KCNH1: variants seen among roughly 807,000 people sequenced by gnomAD.
KCNH1 encodes potassium voltage-gated channel subfamily H member 1, also known as voltage-gated delayed rectifier potassium channel KCNH1.
Under a neutral mutation model 69.2 loss-of-function variants are expected in KCNH1, and 27 were observed. The ratio of observed to expected loss-of-function variants is 0.39; its 90% CI spans 0.29 to 0.54. The LOEUF (loss-of-function observed/expected upper bound fraction) is 0.54, where lower values mean the gene tolerates loss of function less well. Ranked by LOEUF, KCNH1 falls within the 20% of genes least tolerant of loss-of-function variation. The pLI, the probability that KCNH1 is intolerant of heterozygous loss-of-function variation, is 0.68. For synonymous variants in KCNH1, 456 were observed against 487.7 expected (o/e 0.93, Z 0.86); for missense variants, 798 against 1,261.6 (o/e 0.63, Z 5.57).
chr1:210,861,579 T>G, intron 7 of KCNH1: 1 of 772,188 alleles, frequency 1.3e-6, no homozygotes, highest in East Asian at 2.4e-5. Context: ...ACCCATTCTG[T>G]CAGGTTCTGT....
In KCNH1 at chr1:211,096,047, C is replaced by CTTTATTTA. The variant is rs536254644; in HGVS notation, c.311-5365_311-5358dup. Among the ~76,000 whole-genome samples, 376 of 125,140 alleles carry CTTTATTTA rather than the reference C, an allele frequency of 3.0e-3. 1 individual carries two copies. Among genetic ancestry groups the CTTTATTTA allele is most frequent in the African/African-American group, 8.7e-3 (338 of 38,942 alleles). 82.1% of individuals were successfully genotyped at this position (125,140 alleles called of 152,430 possible). ...GAGACATAGGTGTTTAAAAGTATCACTTTATTTATTTATTTATTTATTTAT... is the reference window on the plus strand; with the variant it reads ...GAGACATAGGTGTTTAAAAGTATCACTTTATTTATTTATTTATTTATTTATTTATTTAT... On this transcript the variant is annotated intron_variant, in intron 3 of 10. Transcript: ENST00000271751.
intron 6 of KCNH1, among the ~76,000 whole-genome samples, chr1:210,976,054 C>G (rs542620531): frequency 1.3e-5 from 2 of 152,166 alleles, no homozygotes; most frequent in African/African-American, 4.8e-5. Flanking sequence ...CAATGAGATA[C>G]CATCTCACAC....
At chr1:210,838,404 T>C (rs936044472) in intron 7 of KCNH1, among the ~76,000 whole-genome samples, 1 of 152,050 alleles carries the variant, frequency 6.6e-6, no homozygotes, top group Non-Finnish European at 1.5e-5. Context: ...TTACGCCTTA[T>C]ATAAAAATCA....
At chr1:210,986,586 T>C (rs1688840218) in intron 6 of KCNH1, among the ~76,000 whole-genome samples, 1 of 152,340 alleles carries the variant, frequency 6.6e-6, no homozygotes, top group African/African-American at 2.4e-5. Context: ...GAAAATTCTT[T>C]TCTTTAAGAA....
chr1:210,859,953 T>C, intron 7 of KCNH1: 1 of 1,581,986 alleles, frequency 6.3e-7, no homozygotes, highest in Non-Finnish European at 8.7e-7. Context: ...AGTTCAAAGT[T>C]CACTTGTCTT....
chr1:211,039,637 T>C (rs1212319005), intron 5 of KCNH1, among the ~76,000 whole-genome samples: 1 of 152,200 alleles, frequency 6.6e-6, no homozygotes, highest in African/African-American at 2.4e-5. Flanking sequence ...ATGTGAGACC[T>C]GGAATCAAAG....
chr1:210,872,174 A>G (rs1215323678), intron 7 of KCNH1, among the ~76,000 whole-genome samples: 1 of 150,954 alleles, frequency 6.6e-6, no homozygotes, highest in Non-Finnish European at 1.5e-5. Context: ...AAAAAGATCA[A>G]GCAAGATAAT....
chr1:210,777,744 T>C lies in KCNH1; in HGVS notation c.1916-2200A>G, dbSNP rs766646631. Among the ~76,000 whole-genome samples the C allele has an allele frequency of 3.3e-5, 5 of 152,296 alleles. No individual in the cohort carries two copies. In the East Asian group the frequency reaches 5.8e-4, roughly 18 times the overall value. Reference sequence around the variant, plus strand: ...ATATCCTTCCTCCAGCACATTATGGTAGGTAGTTAAAAAATAGGCCCCATC... The same window carrying C: ...ATATCCTTCCTCCAGCACATTATGGCAGGTAGTTAAAAAATAGGCCCCATC... On this transcript the variant is annotated intron_variant, in intron 9 of 10. Transcript: ENST00000271751.
At chr1:210,994,469 T>C (rs1688988811) in intron 6 of KCNH1, among the ~76,000 whole-genome samples, 4 of 152,094 alleles carry the variant, frequency 2.6e-5, no homozygotes, top group Admixed American at 2.0e-4. Context: ...ATTGTAGGAA[T>C]GCAAAAAAGA....
At chr1:211,096,584 CA>C (rs768276693) in intron 3 of KCNH1, among the ~76,000 whole-genome samples, 4 of 152,200 alleles carry the variant, frequency 2.6e-5, no homozygotes, top group Non-Finnish European at 5.9e-5. Flanking sequence ...TAACCCTCAA[CA>C]TAATTAAAAT....
chr1:210,733,206 G>C (rs1297061093), intron 10 of KCNH1, among the ~76,000 whole-genome samples: 5 of 152,012 alleles, frequency 3.3e-5, no homozygotes. Context: ...TTCTCAGAAA[G>C]CTGTGCATGT....
chr1:210,765,229 G>T (rs1174600078), intron 10 of KCNH1, among the ~76,000 whole-genome samples: 1 of 151,852 alleles, frequency 6.6e-6, no homozygotes, highest in African/African-American at 2.4e-5. Context: ...GTACAGAAGG[G>T]TCCAAAACTG....
chr1:210,890,054 A>T lies in KCNH1; in HGVS notation c.1462+29586T>A, dbSNP rs529268722. 3.3e-5 allele frequency among the ~76,000 whole-genome samples: 5 copies of T among 152,340 alleles called. No homozygotes were observed. In the South Asian group the frequency reaches 1.0e-3, roughly 32 times the overall value. ...ATTAGAAAAAACTACTTTAAATTTC[A>T]TATGGAATGAAAAAAGAGCCCATAT... On this transcript the variant is annotated intron_variant, in intron 7 of 10. Transcript: ENST00000271751.
chr1:211,059,635 C>T lies in KCNH1; in HGVS notation c.558+23145G>A, dbSNP rs941176550. Among the ~76,000 whole-genome samples the T allele has an allele frequency of 9.2e-5, 14 of 151,858 alleles. No homozygotes were observed. In the East Asian group the frequency reaches 1.8e-3, roughly 19 times the overall value. On this transcript the variant is annotated intron_variant, in intron 5 of 10. Transcript: ENST00000271751. ...GTGGGCACCTGTAGTCCCAGCTACTCGGGAGGCTGAGGCAGGAGAATGGCG... is the reference window on the plus strand; with the variant it reads ...GTGGGCACCTGTAGTCCCAGCTACTTGGGAGGCTGAGGCAGGAGAATGGCG...
At chr1:210,739,125 G>A (rs1934628) in intron 10 of KCNH1, among the ~76,000 whole-genome samples, 127,869 of 152,210 alleles carry the variant, frequency 0.84, 53,762 homozygotes, top group East Asian at 0.88. Flanking sequence ...ATGATCCTCA[G>A]TCTAAAGTTC....
intron 10 of KCNH1, among the ~76,000 whole-genome samples, chr1:210,773,247 C>A (rs1683786477): frequency 6.6e-6 from 1 of 152,190 alleles, no homozygotes; most frequent in African/African-American, 2.4e-5. Context: ...CCACTGCCCA[C>A]CCTCCACTAG....
At chr1:211,033,544 G>C (rs1248885155) in intron 5 of KCNH1, among the ~76,000 whole-genome samples, 1 of 152,182 alleles carries the variant, frequency 6.6e-6, no homozygotes, top group Non-Finnish European at 1.5e-5. Flanking sequence ...ACTGGATTAA[G>C]AAAATGTGGC....
At chr1:210,762,241 A>T (rs977979340) in intron 10 of KCNH1, among the ~76,000 whole-genome samples, 2 of 152,342 alleles carry the variant, frequency 1.3e-5, no homozygotes, top group East Asian at 1.9e-4. Context: ...TGTTAAGAGG[A>T]AAGTTTATAG....
In KCNH1 at chr1:211,090,657, G is replaced by C; in HGVS notation, c.344C>G (p.Pro115Arg). The C allele has an allele frequency of 2.5e-6, 4 of 1,606,476 alleles. No homozygotes were observed. Among genetic ancestry groups the C allele is most frequent in the Non-Finnish European group, 3.4e-6 (4 of 1,178,500 alleles). Residue 115 changes from proline to arginine, a missense_variant, in exon 4 of 11, where the codon CCA becomes CGA. Pro to Arg is a moderately radical substitution (Grantham distance 103). This residue lies in a region of KCNH1 where 266 missense variants were observed against 457.2 expected (regional missense o/e 0.58). Coordinates refer to ENST00000271751, the MANE Select transcript of KCNH1 (RefSeq NM_172362.3). Reference protein sequence around the residue: ...TPVWFFVKIAPIRNEQDKVVL... With the variant: ...TPVWFFVKIARIRNEQDKVVL... ...CACTTTATCCTGTTCGTTTCGAATT[G>C]GAGCAATTTTCACAAAGAACCACAC...
Sources: allele counts gnomAD v4.1 joint callset (sites outside exome capture counted in the v4.1 genomes callset), GRCh38; gene constraint gnomAD v4.1.1; regional missense constraint gnomAD v4.1.1; transcripts MANE v1.5; gene names NCBI Gene and HGNC (gene_info 2026-07-23, HGNC 2026-07-21).